UNC5C: variants seen among roughly 807,000 people sequenced by gnomAD.
The protein encoded by UNC5C is unc-5 netrin receptor C.
In UNC5C, 47 loss-of-function variants were observed where a neutral mutation model predicts 99.8. The ratio of observed to expected loss-of-function variants is 0.47; its 90% CI spans 0.37 to 0.60. The LOEUF (loss-of-function observed/expected upper bound fraction) is 0.60, where lower values mean the gene tolerates loss of function less well. Among genes scored for constraint, UNC5C ranks in the 20% least tolerant of loss-of-function variants. The probability of loss-of-function intolerance (pLI) is 0.00; values close to 1 mark genes in which losing one functional copy is unlikely to be tolerated. For synonymous variants in UNC5C, 487 were observed against 452.2 expected (o/e 1.08, Z -0.98); for missense variants, 1,062 against 1,165.9 (o/e 0.91, Z 1.30).
At chr4:95,323,141 A>T (rs544682939) in intron 2 of UNC5C, among the ~76,000 whole-genome samples, 1 of 152,258 alleles carries the variant, frequency 6.6e-6, no homozygotes, top group Admixed American at 6.5e-5. Flanking sequence ...TTCTTTAAGA[A>T]TGAGTAAGAT....
chr4:95,524,623 C>T (rs1722452662), intron 1 of UNC5C, among the ~76,000 whole-genome samples: 1 of 152,146 alleles, frequency 6.6e-6, no homozygotes, highest in South Asian at 2.1e-4. Context: ...ATGTGCTCTC[C>T]AGATCACCAC....
intron 3 of UNC5C, among the ~76,000 whole-genome samples, chr4:95,287,511 T>C (rs1741278365): frequency 6.6e-6 from 1 of 152,236 alleles, no homozygotes; most frequent in African/African-American, 2.4e-5. Context: ...AGAGTGGTTA[T>C]GATCTGAATT....
intron 1 of UNC5C, among the ~76,000 whole-genome samples, chr4:95,374,778 G>A (rs544484203): frequency 1.1e-4 from 16 of 152,216 alleles, no homozygotes; most frequent in Admixed American, 7.8e-4. Context: ...GGTGCAGTCA[G>A]ACTCCTTCTC....
In UNC5C at chr4:95,471,427, A is replaced by G. The variant is rs1747965146; in HGVS notation, c.124+77307T>C. 2.6e-5 allele frequency among the ~76,000 whole-genome samples: 4 copies of G among 152,112 alleles called. No homozygotes were observed. The South Asian group carries it at 8.3e-4, about 32-fold the overall frequency. Reference sequence around the variant, plus strand: ...GTTTAAATAAAGGGATTTCCTGGGTAAAAGAATATCACAGCAGAGAAAATT... The same window carrying G: ...GTTTAAATAAAGGGATTTCCTGGGTGAAAGAATATCACAGCAGAGAAAATT... On this transcript the variant is annotated intron_variant, in intron 1 of 15. Coordinates refer to ENST00000453304, the MANE Select transcript of UNC5C (RefSeq NM_003728.4).
At chr4:95,398,656 A>G (rs1745596543) in intron 1 of UNC5C, among the ~76,000 whole-genome samples, 1 of 152,138 alleles carries the variant, frequency 6.6e-6, no homozygotes, top group South Asian at 2.1e-4. Context: ...TTCTGTTGCA[A>G]ATTATGTATG....
intron 2 of UNC5C, among the ~76,000 whole-genome samples, chr4:95,325,282 C>T (rs1210145422): frequency 2.0e-5 from 3 of 152,066 alleles, no homozygotes; most frequent in Non-Finnish European, 4.4e-5. Flanking sequence ...ACCATTTGAA[C>T]GCTTGTTTTT....
intron 1 of UNC5C, among the ~76,000 whole-genome samples, chr4:95,468,915 A>C (rs543529183): frequency 3.9e-5 from 6 of 152,332 alleles, no homozygotes; most frequent in African/African-American, 1.4e-4. Context: ...GGGACAAAGC[A>C]TCAGTGAAAC....
At chr4:95,543,764 G>A (rs1188240317) in intron 1 of UNC5C, among the ~76,000 whole-genome samples, 2 of 152,132 alleles carry the variant, frequency 1.3e-5, no homozygotes, top group African/African-American at 2.4e-5. Flanking sequence ...CGAGCTTCTT[G>A]CAAGGACTTA....
At chr4:95,420,234 C>G (rs182786019) in intron 1 of UNC5C, among the ~76,000 whole-genome samples, 12 of 152,194 alleles carry the variant, frequency 7.9e-5, no homozygotes, top group Non-Finnish European at 1.0e-4. Flanking sequence ...GAACAAGTAC[C>G]AAGACAGTAA....
intron 1 of UNC5C, among the ~76,000 whole-genome samples, chr4:95,359,248 A>G (rs1744307543): frequency 6.6e-6 from 1 of 152,204 alleles, no homozygotes; most frequent in Non-Finnish European, 1.5e-5. Flanking sequence ...GAGATAAAAT[A>G]AAAACTTGCC....
intron 1 of UNC5C, among the ~76,000 whole-genome samples, chr4:95,494,480 C>A (rs983699922): frequency 1.3e-5 from 2 of 151,434 alleles, no homozygotes; most frequent in Non-Finnish European, 3.0e-5. Flanking sequence ...GTCCTCCCCA[C>A]CCCTTAAGTA....
intron 1 of UNC5C, among the ~76,000 whole-genome samples, chr4:95,482,101 C>T (rs1381991085): frequency 6.6e-6 from 1 of 151,960 alleles, no homozygotes; most frequent in African/African-American, 2.4e-5. Context: ...ATTTTTGCAA[C>T]CTACTCATCT....
At chr4:95,451,309 C>T (rs79883868) in intron 1 of UNC5C, among the ~76,000 whole-genome samples, 1,750 of 152,276 alleles carry the variant, frequency 0.011, 18 homozygotes, top group South Asian at 0.037. Flanking sequence ...TTCCTGCTTA[C>T]AGCTTAGTAA....
intron 12 of UNC5C, among the ~76,000 whole-genome samples, chr4:95,196,341 T>C (rs1049910593): frequency 6.6e-6 from 1 of 152,172 alleles, no homozygotes; most frequent in African/African-American, 2.4e-5. Flanking sequence ...TTTGAATTGA[T>C]TCCAAACTAT....
intron 1 of UNC5C, among the ~76,000 whole-genome samples, chr4:95,464,857 A>T (rs1212924360): frequency 6.6e-6 from 1 of 152,196 alleles, no homozygotes; most frequent in Non-Finnish European, 1.5e-5. Context: ...CATTTTCAGA[A>T]CTTAGAACAT....
At chr4:95,192,575 C>T (rs1737193275) in intron 12 of UNC5C, among the ~76,000 whole-genome samples, 1 of 145,800 alleles carries the variant, frequency 6.9e-6, no homozygotes, top group Admixed American at 6.8e-5. Context: ...TCTTCCCCTG[C>T]TCACCTCCTC....
intron 4 of UNC5C, among the ~76,000 whole-genome samples, chr4:95,256,699 A>AATATATATATATATATAAAT (rs1553958326): frequency 1.9e-4 from 17 of 90,576 alleles, no homozygotes; most frequent in South Asian, 5.1e-4. Context: ...GAACTAAATA[A>AATATATATATATATATAAAT]ATATATATAT....
chr4:95,185,339 C>G, intron 12 of UNC5C, 143 bp from the exon 13 acceptor site: 3 of 952,898 alleles, frequency 3.1e-6, no homozygotes, highest in Admixed American at 5.0e-5. Context: ...TTTGCAGCCT[C>G]GAGACCCTCT....
At chr4:95,354,027 A>C (rs1423998580) in intron 1 of UNC5C, among the ~76,000 whole-genome samples, 1 of 152,148 alleles carries the variant, frequency 6.6e-6, no homozygotes, top group Admixed American at 6.6e-5. Context: ...CTAGAAATCT[A>C]AGAATTATCT....
Sources: gnomAD v4.1 joint callset for allele counts (sites outside exome capture counted in the v4.1 genomes callset) on GRCh38, gnomAD v4.1.1 for gene constraint, MANE v1.5 for transcripts, NCBI Gene and HGNC (gene_info 2026-07-23, HGNC 2026-07-21) for gene names.